DOCK3: variants seen among roughly 807,000 people sequenced by gnomAD.
The protein encoded by DOCK3 is dedicator of cytokinesis 3.
Under a neutral mutation model 265.6 loss-of-function variants are expected in DOCK3, and 60 were observed. That is an observed-to-expected ratio of 0.23 (90% CI 0.18 to 0.28). DOCK3 has a LOEUF of 0.28. Among genes scored for constraint, DOCK3 ranks in the 10% least tolerant of loss-of-function variants. The probability of loss-of-function intolerance (pLI) is 1.00; values close to 1 mark genes in which losing one functional copy is unlikely to be tolerated. For synonymous variants in DOCK3, 881 were observed against 938.0 expected, an observed-to-expected ratio of 0.94 and a Z score of 1.11; for missense variants, 1,981 against 2,594.3, an observed-to-expected ratio of 0.76 and a Z score of 5.14.
intron 51 of DOCK3, among the ~76,000 whole-genome samples, chr3:51,378,979 G>A (rs550877208): frequency 1.6e-4 from 25 of 152,260 alleles, no homozygotes; most frequent in African/African-American, 6.0e-4. Flanking sequence ...GCTGGATCTG[G>A]GCTGCAGTTT....
At chr3:51,117,388 G>A (rs952195161) in intron 9 of DOCK3, among the ~76,000 whole-genome samples, 2 of 152,046 alleles carry the variant, frequency 1.3e-5, no homozygotes, top group Non-Finnish European at 2.9e-5. Context: ...GAGGATTTTT[G>A]CATCGATGTT....
Position 50,787,884 on chromosome 3 carries a change from T to G in DOCK3, c.121+9126T>G. 7.5e-6 allele frequency: 8 copies of G among 1,062,650 alleles called. No homozygotes were observed. In the South Asian group the frequency reaches 8.9e-5, roughly 12 times the overall value. The allele number at this position is 1,062,650 out of a possible 1,614,324, so 65.8% of individuals were successfully genotyped here. A position where few individuals can be genotyped will look rare whatever the true frequency, so the allele number is the denominator to read the frequency against. Reference sequence around the variant, plus strand: ...TGAGAAGAGGTACCCTTTTCCCCTTTAGGTACATTTAATGTTTGATTATTA... The same window carrying G: ...TGAGAAGAGGTACCCTTTTCCCCTTGAGGTACATTTAATGTTTGATTATTA... On this transcript the variant is annotated intron_variant, in intron 2 of 52. Transcript: ENST00000266037.
Position 50,753,091 on chromosome 3 carries a change from C to T in DOCK3, c.38-25584C>T, listed in dbSNP as rs550021684. On this transcript the variant is annotated intron_variant, in intron 1 of 52. Transcript: ENST00000266037. Reference sequence around the variant, plus strand: ...ACAAGAGAGGGAACAGATCTCCACACGTTTTTTTGATGAAATTCAAAATAT... The same window carrying T: ...ACAAGAGAGGGAACAGATCTCCACATGTTTTTTTGATGAAATTCAAAATAT... Among the ~76,000 whole-genome samples, 6 of 152,174 alleles carry T rather than the reference C, an allele frequency of 3.9e-5. No homozygotes were observed. In the East Asian group the frequency reaches 9.6e-4, roughly 24 times the overall value.
chr3:50,870,513 G>C (rs977581386), intron 3 of DOCK3, among the ~76,000 whole-genome samples: 7 of 152,036 alleles, frequency 4.6e-5, no homozygotes, highest in Non-Finnish European at 1.0e-4. Flanking sequence ...TAGGGTAAGA[G>C]TGCTTCTTGT....
rs1023725364 is a variant in DOCK3 at position 50,829,549 on chromosome 3, A to G, written c.122-12126A>G. Among the ~76,000 whole-genome samples the G allele has an allele frequency of 3.3e-5, 5 of 152,110 alleles. No homozygotes were observed. In the South Asian group the frequency reaches 6.2e-4, roughly 19 times the overall value. On this transcript the variant is annotated intron_variant, in intron 2 of 52. Coordinates refer to ENST00000266037, the MANE Select transcript of DOCK3 (RefSeq NM_004947.5). ...AACATTTTTCTCTTATTTCAATGGAACTATCATTTTCTGCTGGTATGCCCT... is the reference window on the plus strand; with the variant it reads ...AACATTTTTCTCTTATTTCAATGGAGCTATCATTTTCTGCTGGTATGCCCT...
At chr3:50,775,121 C>T (rs2041510604) in intron 1 of DOCK3, among the ~76,000 whole-genome samples, 1 of 151,876 alleles carries the variant, frequency 6.6e-6, no homozygotes, top group African/African-American at 2.4e-5. Context: ...TTCCTTTAGT[C>T]TCATGTCCTC....
intron 51 of DOCK3, among the ~76,000 whole-genome samples, chr3:51,376,545 G>C (rs931523493): frequency 6.6e-6 from 1 of 152,202 alleles, no homozygotes; most frequent in African/African-American, 2.4e-5. Context: ...TTTTAACAGA[G>C]AGTAATACTA....
chr3:51,139,542 A>G (rs2084955110), intron 9 of DOCK3, among the ~76,000 whole-genome samples: 1 of 152,148 alleles, frequency 6.6e-6, no homozygotes, highest in South Asian at 2.1e-4. Flanking sequence ...ACCTTTTTTC[A>G]TTCAATATTT....
chr3:51,249,255 T>C (rs2079034808), intron 22 of DOCK3, among the ~76,000 whole-genome samples: 1 of 120,660 alleles, frequency 8.3e-6, no homozygotes, highest in Non-Finnish European at 1.7e-5. Context: ...GAGGGGCGCC[T>C]CTGCCCGGCC....
chr3:51,376,337 C>T (rs1418688112), intron 51 of DOCK3, among the ~76,000 whole-genome samples: 1 of 152,152 alleles, frequency 6.6e-6, no homozygotes, highest in Non-Finnish European at 1.5e-5. Flanking sequence ...CAAAGGAGTC[C>T]GGTCCTTCTG....
At position 50,890,253 on chromosome 3, in the gene DOCK3, T is replaced by C. The variant is rs561874138; in HGVS notation, c.218+172T>C. 2.6e-5 allele frequency among the ~76,000 whole-genome samples: 4 copies of C among 152,222 alleles called. No individual in the cohort carries two copies. In the East Asian group the frequency reaches 7.7e-4, roughly 29 times the overall value. On this transcript the variant is annotated intron_variant, in intron 4 of 52. Transcript: ENST00000266037. The stretch of plus-strand genomic sequence containing the variant: ...AATAATGTTTTCTTAAAATACAGAC[T>C]TTAATCTGTTTTCTTGTATACGGAA...
At chr3:50,825,886 T>C (rs115168092) in intron 2 of DOCK3, among the ~76,000 whole-genome samples, 2,154 of 152,246 alleles carry the variant, frequency 0.014, 25 homozygotes, top group Non-Finnish European at 0.024. Flanking sequence ...CAGCTGAATC[T>C]ATGTTAGTCA....
chr3:50,829,756 A>G (rs1043510234), intron 2 of DOCK3, among the ~76,000 whole-genome samples: 9 of 152,244 alleles, frequency 5.9e-5, no homozygotes, highest in Non-Finnish European at 1.2e-4. Flanking sequence ...TCACAAATAT[A>G]TAGTATTTTA....
intron 4 of DOCK3, among the ~76,000 whole-genome samples, chr3:50,908,947 G>T (rs1325100146): frequency 6.7e-6 from 1 of 150,080 alleles, no homozygotes; most frequent in Non-Finnish European, 1.5e-5. Flanking sequence ...CTATTGAATT[G>T]AACCTTTTAT....
chr3:51,189,673 T>A (rs753062796), intron 12 of DOCK3, among the ~76,000 whole-genome samples: 3 of 152,212 alleles, frequency 2.0e-5, no homozygotes, highest in Non-Finnish European at 4.4e-5. Flanking sequence ...TATGGGCACT[T>A]AGGTTGGTTC....
chr3:51,351,901 C>A (rs1410864678), intron 40 of DOCK3, among the ~76,000 whole-genome samples: 1 of 152,162 alleles, frequency 6.6e-6, no homozygotes, highest in Non-Finnish European at 1.5e-5. Flanking sequence ...ATGTGATCCG[C>A]CCGCCTCGGC....
intron 3 of DOCK3, among the ~76,000 whole-genome samples, chr3:50,843,346 T>TGGCTG (rs1341977377): frequency 6.6e-6 from 1 of 152,142 alleles, no homozygotes; most frequent in Non-Finnish European, 1.5e-5. Flanking sequence ...TTGGCAGGGT[T>TGGCTG]GGCTGGAAGA....
At chr3:50,941,323 A>C (rs2076289497) in intron 5 of DOCK3, among the ~76,000 whole-genome samples, 1 of 152,144 alleles carries the variant, frequency 6.6e-6, no homozygotes, top group Admixed American at 6.5e-5. Context: ...ATTTTTCTAC[A>C]TCATTAGCCA....
intron 3 of DOCK3, among the ~76,000 whole-genome samples, chr3:50,845,958 T>C (rs1463136851): frequency 6.6e-6 from 1 of 152,248 alleles, no homozygotes; most frequent in Non-Finnish European, 1.5e-5. Flanking sequence ...ATTATACTGT[T>C]GTCTAATTTT....
Sources: gnomAD v4.1 joint callset for allele counts (sites outside exome capture counted in the v4.1 genomes callset) on GRCh38, gnomAD v4.1.1 for gene constraint, MANE v1.5 for transcripts, NCBI Gene and HGNC (gene_info 2026-07-23, HGNC 2026-07-21) for gene names.